The following FOXP2 variants were observed in gnomAD, a reference collection of about 807,000 sequenced individuals.
FOXP2 encodes forkhead box protein P2.
A neutral mutation model predicts 115.8 loss-of-function variants in FOXP2; 12 were observed. The ratio of observed to expected loss-of-function variants is 0.10; its 90% CI spans 0.07 to 0.17. The LOEUF is 0.17. Among genes scored for constraint, FOXP2 ranks in the 10% least tolerant of loss-of-function variants. FOXP2 has a pLI of 1.00. For synonymous variants in FOXP2, 328 were observed against 297.7 expected, an observed-to-expected ratio of 1.10 and a Z score of -1.05; for missense variants, 629 against 843.5, an observed-to-expected ratio of 0.75 and a Z score of 3.15.
chr7:114,420,608 A>T (rs10228350), intron 1 of FOXP2, among the ~76,000 whole-genome samples: 44,278 of 151,768 alleles, frequency 0.29, 7,661 homozygotes, highest in Non-Finnish European at 0.4. Flanking sequence ...CCTCTTACAT[A>T]TCTAAGACAT....
chr7:114,286,485 T>C (rs1796470722), intron 1 of FOXP2, among the ~76,000 whole-genome samples: 1 of 152,028 alleles, frequency 6.6e-6, no homozygotes, highest in Non-Finnish European at 1.5e-5. Flanking sequence ...AATAAGTCAA[T>C]ATAAAATTAT....
At chr7:114,517,743 T>G (rs960107543) in intron 2 of FOXP2, among the ~76,000 whole-genome samples, 5 of 152,192 alleles carry the variant, frequency 3.3e-5, no homozygotes, top group Non-Finnish European at 7.3e-5. Flanking sequence ...TAGTAGATTT[T>G]GAAAAGCAGA....
chr7:114,512,684 AT>A (rs781384269), intron 2 of FOXP2, among the ~76,000 whole-genome samples: 48 of 152,308 alleles, frequency 3.2e-4, no homozygotes, highest in African/African-American at 6.0e-4. Context: ...GATAATCTCA[AT>A]TTTTTAAGCC....
intron 1 of FOXP2, among the ~76,000 whole-genome samples, chr7:114,282,290 T>C (rs1293201378): frequency 6.6e-6 from 1 of 152,190 alleles, no homozygotes; most frequent in Non-Finnish European, 1.5e-5. Flanking sequence ...TATTAAGGTA[T>C]AGTTTAAATC....
At chr7:114,684,505 T>G (rs1384748148) in intron 16 of FOXP2, among the ~76,000 whole-genome samples, 1 of 152,214 alleles carries the variant, frequency 6.6e-6, no homozygotes, top group Non-Finnish European at 1.5e-5. Flanking sequence ...GTATGTGGCT[T>G]GACAGTAACT....
At chr7:114,471,525 A>G (rs1796043790) in intron 2 of FOXP2, among the ~76,000 whole-genome samples, 1 of 152,184 alleles carries the variant, frequency 6.6e-6, no homozygotes, top group Non-Finnish European at 1.5e-5. Flanking sequence ...TCACTCATAT[A>G]TAGGTGAAGA....
chr7:114,433,963 AG>A (rs1794224739), intron 2 of FOXP2, among the ~76,000 whole-genome samples: 1 of 151,948 alleles, frequency 6.6e-6, no homozygotes, highest in Non-Finnish European at 1.5e-5. Context: ...AAAAATATAA[AG>A]TAATAGGCAT....
intron 2 of FOXP2, among the ~76,000 whole-genome samples, chr7:114,468,421 T>TA (rs1435177439): frequency 6.6e-6 from 1 of 152,134 alleles, no homozygotes; most frequent in East Asian, 1.9e-4. Flanking sequence ...ACCTTCAGGA[T>TA]AAAATCCAAA....
At chr7:114,190,228 G>A (rs1484224558) in intron 1 of FOXP2, among the ~76,000 whole-genome samples, 1 of 152,188 alleles carries the variant, frequency 6.6e-6, no homozygotes, top group Non-Finnish European at 1.5e-5. Flanking sequence ...GTCTGGGTGT[G>A]TCTGTGAGGG....
chr7:114,490,751 C>A (rs893707140), intron 2 of FOXP2, among the ~76,000 whole-genome samples: 5 of 152,056 alleles, frequency 3.3e-5, no homozygotes, highest in African/African-American at 1.2e-4. Context: ...TGAGAATATG[C>A]GGTGTTTGGT....
At chr7:114,162,899 T>C (rs566746749), upstream of FOXP2, 25 of 150,858 alleles carry the variant, frequency 1.7e-4, no homozygotes, top group Admixed American at 5.9e-4. Flanking sequence ...AAAAAAAAAC[T>C]GATGCGTTTT....
At chr7:114,598,970 C>T (rs1046601868) in intron 3 of FOXP2, among the ~76,000 whole-genome samples, 1 of 152,088 alleles carries the variant, frequency 6.6e-6, no homozygotes, top group African/African-American at 2.4e-5. Flanking sequence ...CATATTCATT[C>T]TTATAGATTG....
At position 114,642,810 on chromosome 7, in the gene FOXP2, A is replaced by T. The variant is rs1324696781; in HGVS notation, c.989+187A>T. On this transcript the variant is annotated intron_variant, in intron 7 of 16. Coordinates refer to ENST00000350908, the MANE Select transcript of FOXP2 (RefSeq NM_014491.4). ...TATATATATATATATATATATATAT[A>T]TATTTTTTTTTTTTTTTAGGCAGAG... Among the ~76,000 whole-genome samples, 58,188 of 75,618 alleles carry T rather than the reference A, an allele frequency of 0.77. 23,726 individuals are homozygous for T. Among genetic ancestry groups the T allele is most frequent in the Non-Finnish European group, 0.88 (38,116 of 43,334 alleles). The allele number at this position is 75,618 out of a possible 152,430, so 49.6% of individuals were successfully genotyped here.
chr7:114,629,655 G>A, intron 4 of FOXP2, 150 bp from the exon 5 acceptor site: 1 of 1,597,896 alleles, frequency 6.3e-7, no homozygotes, highest in African/African-American at 1.3e-5. Context: ...ATGTAGAGCT[G>A]TCTCTTTGAA....
At chr7:114,523,923 C>A (rs1389823078) in intron 2 of FOXP2, among the ~76,000 whole-genome samples, 1 of 152,068 alleles carries the variant, frequency 6.6e-6, no homozygotes, top group Non-Finnish European at 1.5e-5. Context: ...TTTAAGTGGG[C>A]AACTTGGTGT....
intron 2 of FOXP2, among the ~76,000 whole-genome samples, chr7:114,348,604 T>G (rs569911378): frequency 6.6e-6 from 1 of 152,098 alleles, no homozygotes; most frequent in Admixed American, 6.6e-5. Flanking sequence ...ACTCGTCTTA[T>G]AGAAAGAACA....
intron 1 of FOXP2, among the ~76,000 whole-genome samples, chr7:114,177,779 A>C (rs973236671): frequency 1.3e-5 from 2 of 151,952 alleles, no homozygotes; most frequent in African/African-American, 4.8e-5. Flanking sequence ...TAACCTATGC[A>C]TTACCACACA....
intron 1 of FOXP2, among the ~76,000 whole-genome samples, chr7:114,183,881 T>G (rs940219815): frequency 6.6e-6 from 1 of 152,160 alleles, no homozygotes; most frequent in African/African-American, 2.4e-5. Flanking sequence ...TAAAGTGTTT[T>G]GTTGGGTCCA....
At chr7:114,330,462 G>T (rs1426834092) in intron 2 of FOXP2, among the ~76,000 whole-genome samples, 2 of 138,502 alleles carry the variant, frequency 1.4e-5, no homozygotes, top group East Asian at 4.2e-4. Flanking sequence ...GGGAGATCTT[G>T]TCTCTAAAAA....
Sources: allele counts gnomAD v4.1 joint callset (sites outside exome capture counted in the v4.1 genomes callset), GRCh38; gene constraint gnomAD v4.1.1; transcripts MANE v1.5; gene names NCBI Gene and HGNC (gene_info 2026-07-23, HGNC 2026-07-21).